SKAP1: variants seen among roughly 807,000 people sequenced by gnomAD.
SKAP1 encodes the protein src kinase-associated phosphoprotein 1.
Under a neutral mutation model 58.5 loss-of-function variants are expected in SKAP1, and 44 were observed. The observed-to-expected ratio is 0.75, with a 90% CI of 0.59 to 0.97. The LOEUF (loss-of-function observed/expected upper bound fraction) is 0.97, where lower values mean the gene tolerates loss of function less well. Ranked by LOEUF, SKAP1 falls within the 50% of genes least tolerant of loss-of-function variation. The pLI is 0.00. For synonymous variants in SKAP1, 127 were observed against 149.7 expected, an observed-to-expected ratio of 0.85 and a Z score of 1.11; for missense variants, 390 against 435.2, an observed-to-expected ratio of 0.90 and a Z score of 0.92.
At chr17:48,433,758 C>T (rs539546731), upstream of SKAP1, among the ~76,000 whole-genome samples, 4 of 152,346 alleles carry the variant, frequency 2.6e-5, no homozygotes, top group African/African-American at 9.6e-5. Flanking sequence ...GCCTTGTCCA[C>T]CGGGACCCTT....
chr17:48,154,228 T>G (rs1598372434), intron 11 of SKAP1, among the ~76,000 whole-genome samples: 1 of 152,232 alleles, frequency 6.6e-6, no homozygotes, highest in Non-Finnish European at 1.5e-5. Context: ...AGACTGGCTG[T>G]GGAGCCAGGA....
chr17:48,187,976 G>T, intron 5 of SKAP1, 50 bp from the exon 6 acceptor site: 1 of 1,350,094 alleles, frequency 7.4e-7, no homozygotes, highest in Non-Finnish European at 1.1e-6. Context: ...TACCATCATT[G>T]AAGAGTCTGT....
At chr17:48,418,770 G>C (rs1436969547) in intron 1 of SKAP1, among the ~76,000 whole-genome samples, 1 of 152,066 alleles carries the variant, frequency 6.6e-6, no homozygotes, top group Non-Finnish European at 1.5e-5. Flanking sequence ...TAGCAAAAAG[G>C]AACAAACCAA....
chr17:48,269,543 C>T (rs1441505029), intron 4 of SKAP1, among the ~76,000 whole-genome samples: 2 of 152,148 alleles, frequency 1.3e-5, no homozygotes, highest in African/African-American at 4.8e-5. Flanking sequence ...ACCCACATCG[C>T]CCAAATTATT....
chr17:48,190,585 TAACA>T (rs2064527513), intron 4 of SKAP1, among the ~76,000 whole-genome samples: 2 of 152,172 alleles, frequency 1.3e-5, no homozygotes, highest in East Asian at 1.9e-4. Context: ...TTTTTTCTCT[TAACA>T]AACAGATAGC....
At chr17:48,306,597 T>A (rs939201822) in intron 4 of SKAP1, among the ~76,000 whole-genome samples, 6 of 152,052 alleles carry the variant, frequency 3.9e-5, no homozygotes, top group Admixed American at 1.3e-4. Context: ...ACACCTTTTT[T>A]AAAAAAAATC....
intron 2 of SKAP1, chr17:48,382,375 C>T (rs1209801360): frequency 6.6e-6 from 1 of 152,202 alleles, no homozygotes; most frequent in Non-Finnish European, 1.5e-5. Context: ...ATGGGAACCA[C>T]TCAGACTGTG....
At chr17:48,140,269 G>A (rs193115728) in intron 11 of SKAP1, among the ~76,000 whole-genome samples, 23 of 152,318 alleles carry the variant, frequency 1.5e-4, no homozygotes, top group African/African-American at 5.5e-4. Flanking sequence ...TCTCTCAGCA[G>A]TGCTGGCACT....
intron 4 of SKAP1, among the ~76,000 whole-genome samples, chr17:48,291,961 T>C (rs1209518395): frequency 6.6e-6 from 1 of 152,106 alleles, no homozygotes; most frequent in Non-Finnish European, 1.5e-5. Flanking sequence ...AAAGCTGTTG[T>C]TAGCTTTGGA....
chr17:48,198,441 C>A (rs1221591202), intron 4 of SKAP1, among the ~76,000 whole-genome samples: 1 of 107,502 alleles, frequency 9.3e-6, no homozygotes, highest in Non-Finnish European at 1.7e-5. Context: ...GGAGACACAG[C>A]GAGACTCCGT....
chr17:48,239,834 G>GAGAGAGAGAGAGAGAC (rs1313857664), intron 4 of SKAP1, among the ~76,000 whole-genome samples: 1 of 91,496 alleles, frequency 1.1e-5, no homozygotes. Context: ...TAGAATGAGA[G>GAGAGAGAGAGAGAGAC]AGAGAGAGAG....
the SKAP1 span, among the ~76,000 whole-genome samples, chr17:48,437,856 G>A: frequency 6.6e-6 from 1 of 151,366 alleles, no homozygotes; most frequent in Non-Finnish European, 1.5e-5. Context: ...ATTCTAAACA[G>A]CCACTAAGGC....
intron 9 of SKAP1, among the ~76,000 whole-genome samples, chr17:48,174,813 T>A (rs577518831): frequency 6.6e-6 from 1 of 152,352 alleles, no homozygotes; most frequent in South Asian, 2.1e-4. Flanking sequence ...TCCTTGCTCC[T>A]AACAGGGCAT....
chr17:48,210,135 T>G (rs1250970060), intron 4 of SKAP1, among the ~76,000 whole-genome samples: 7 of 152,052 alleles, frequency 4.6e-5, no homozygotes, highest in Non-Finnish European at 1.0e-4. Context: ...GACCACTGAG[T>G]AGAGGTAGAT....
At chr17:48,179,948 G>C in intron 9 of SKAP1, 106 bp downstream of exon 9, 1 of 1,014,652 alleles carries the variant, frequency 9.9e-7, no homozygotes, top group Non-Finnish European at 1.4e-6. Flanking sequence ...TTCAGAGGAT[G>C]AGGGTTAGAT....
chr17:48,147,125 GTTC>G (rs2063842184), intron 11 of SKAP1, among the ~76,000 whole-genome samples: 1 of 152,048 alleles, frequency 6.6e-6, no homozygotes, highest in African/African-American at 2.4e-5. Flanking sequence ...ATACTTTTTT[GTTC>G]TTTTTACCAT....
intron 4 of SKAP1, among the ~76,000 whole-genome samples, chr17:48,282,844 T>C (rs973678340): frequency 6.6e-6 from 1 of 152,098 alleles, no homozygotes. Context: ...TTGCACATTT[T>C]TGTGCTCCTC....
At chr17:48,234,772 A>C (rs2065161901) in intron 4 of SKAP1, among the ~76,000 whole-genome samples, 2 of 152,280 alleles carry the variant, frequency 1.3e-5, no homozygotes, top group African/African-American at 4.8e-5. Context: ...GTGATGAGTA[A>C]AAAGCAAAAT....
intron 4 of SKAP1, among the ~76,000 whole-genome samples, chr17:48,225,914 G>A (rs1444110609): frequency 1.3e-5 from 2 of 152,164 alleles, no homozygotes; most frequent in Non-Finnish European, 2.9e-5. Flanking sequence ...ATCATGCCAG[G>A]AGCTGTCCAA....
Sources: allele counts gnomAD v4.1 joint callset (sites outside exome capture counted in the v4.1 genomes callset), GRCh38; gene constraint gnomAD v4.1.1; transcripts MANE v1.5; gene names NCBI Gene and HGNC (gene_info 2026-07-23, HGNC 2026-07-21).